The following TENM4 variants were observed in gnomAD, a reference collection of about 807,000 sequenced individuals.
The protein encoded by TENM4 is teneurin transmembrane protein 4, also known as teneurin-4.
Under a neutral mutation model 243.3 loss-of-function variants are expected in TENM4, and 82 were observed. The ratio of observed to expected loss-of-function variants is 0.34; its 90% CI spans 0.28 to 0.40. The LOEUF (loss-of-function observed/expected upper bound fraction) is 0.40. Among genes scored for constraint, TENM4 ranks in the 10% least tolerant of loss-of-function variants. The pLI is 1.00. For missense variants in TENM4, 3,138 were observed against 3,673.3 expected (o/e 0.85, Z 3.77); for synonymous variants, 1,412 against 1,456.3 (o/e 0.97, Z 0.69).
In TENM4 at chr11:79,032,041, T is replaced by C. The variant is rs777432724; in HGVS notation, c.493+32697A>G. ...GGGAGTACCACTGCTCCCTTGATCCTGAATCTCAGGCCTCACTTAGATGTA... is the reference window on the plus strand; with the variant it reads ...GGGAGTACCACTGCTCCCTTGATCCCGAATCTCAGGCCTCACTTAGATGTA... On this transcript the variant is annotated intron_variant, in intron 6 of 33. Transcript: ENST00000278550. 5.4e-4 allele frequency among the ~76,000 whole-genome samples: 83 copies of C among 152,326 alleles called. 1 individual carries two copies. The highest frequency in any genetic ancestry group is 1.0e-3 in the Non-Finnish European group (71 of 68,026).
chr11:79,088,008 A>T (rs1156434022), intron 4 of TENM4, among the ~76,000 whole-genome samples: 1 of 152,340 alleles, frequency 6.6e-6, no homozygotes, highest in African/African-American at 2.4e-5. Context: ...CAGCTGGCTA[A>T]TGTTACACCT....
Position 78,890,005 on chromosome 11 carries a change from C to T in TENM4, c.864G>A (p.Lys288=). The T allele has an allele frequency of 6.5e-7, 1 of 1,541,168 alleles. No homozygotes were observed. Among genetic ancestry groups the T allele is most frequent in the Non-Finnish European group, 8.8e-7 (1 of 1,139,610 alleles). Residue 288 remains lysine (K), a synonymous_variant, in exon 9 of 34, where the codon AAG becomes AAA. Coordinates refer to ENST00000278550, the MANE Select transcript of TENM4 (RefSeq NM_001098816.3). ...GAYSDGHFLF[K]PGGTSPLFCT... The stretch of plus-strand genomic sequence containing the variant: ...AGAAGAGCGGGGAGGTGCCTCCAGG[C>T]TTGAAGAGGAAGTGCCTGCAGATGG...
chr11:78,698,412 C>CAACCAACCAACT (rs1279016427), intron 28 of TENM4, among the ~76,000 whole-genome samples: 3 of 152,098 alleles, frequency 2.0e-5, no homozygotes, highest in African/African-American at 7.2e-5. Context: ...CCAAACCAAC[C>CAACCAACCAACT]AACCAACCAA....
intron 1 of TENM4, among the ~76,000 whole-genome samples, chr11:79,430,946 C>T (rs1035664347): frequency 3.9e-5 from 6 of 152,270 alleles, no homozygotes; most frequent in East Asian, 1.9e-4. Context: ...AAGTTCCAAA[C>T]GTGCTAGAAA....
chr11:79,299,578 A>C (rs1313342434), intron 1 of TENM4, among the ~76,000 whole-genome samples: 1 of 152,232 alleles, frequency 6.6e-6, no homozygotes, highest in Non-Finnish European at 1.5e-5. Context: ...GCGCTTTGGT[A>C]TAAAACTGCA....
At chr11:78,705,615 C>G (rs1590953953) in intron 27 of TENM4, among the ~76,000 whole-genome samples, 1 of 152,236 alleles carries the variant, frequency 6.6e-6, no homozygotes. Flanking sequence ...TCCCTGTCCA[C>G]CGGAACATTC....
chr11:79,016,649 A>G (rs1386268307), intron 6 of TENM4, among the ~76,000 whole-genome samples: 2 of 152,246 alleles, frequency 1.3e-5, no homozygotes, highest in African/African-American at 4.8e-5. Context: ...GTCAAGGTGG[A>G]AACTCTTAAA....
intron 1 of TENM4, among the ~76,000 whole-genome samples, chr11:79,385,679 T>C (rs1355558424): frequency 6.6e-6 from 1 of 152,208 alleles, no homozygotes; most frequent in East Asian, 1.9e-4. Context: ...ATAGAAAATA[T>C]AGAAAGATTT....
At chr11:79,079,385 G>T (rs1337157244) in intron 4 of TENM4, among the ~76,000 whole-genome samples, 1 of 152,232 alleles carries the variant, frequency 6.6e-6, no homozygotes, top group Admixed American at 6.5e-5. Flanking sequence ...GGCTGGGCAT[G>T]TGCAGGGCCT....
intron 7 of TENM4, among the ~76,000 whole-genome samples, chr11:78,900,255 T>A (rs1855898656): frequency 6.6e-6 from 1 of 152,242 alleles, no homozygotes. Flanking sequence ...GACTTTTATT[T>A]TCTCCATTTT....
At chr11:79,354,250 C>G (rs937988863) in intron 1 of TENM4, among the ~76,000 whole-genome samples, 1 of 152,216 alleles carries the variant, frequency 6.6e-6, no homozygotes, top group African/African-American at 2.4e-5. Context: ...GTTTCCAGGA[C>G]AGGACACGGA....
chr11:78,786,882 C>CA lies in TENM4; in HGVS notation c.2365+15_2365+16insT. On this transcript the variant is annotated intron_variant, in intron 16 of 33. Coordinates refer to ENST00000278550, the MANE Select transcript of TENM4 (RefSeq NM_001098816.3). ...GCAGACCAGAGAAGGTACCCGGGGA[C>CA]CTCGGCCCGCCATACCGATGGTGCA... 1 of 1,588,536 alleles carries CA rather than the reference C, an allele frequency of 6.3e-7. No homozygotes were observed. The highest frequency in any genetic ancestry group is 1.1e-5 in the South Asian group (1 of 87,120).
At chr11:78,765,543 G>T (rs1856524239) in intron 18 of TENM4, among the ~76,000 whole-genome samples, 1 of 152,202 alleles carries the variant, frequency 6.6e-6, no homozygotes, top group African/African-American at 2.4e-5. Context: ...AGCACCAAAA[G>T]AGATTATCAT....
intron 1 of TENM4, among the ~76,000 whole-genome samples, chr11:79,352,542 A>C (rs764305056): frequency 2.1e-4 from 32 of 152,194 alleles, no homozygotes; most frequent in Non-Finnish European, 3.8e-4. Flanking sequence ...GCCTGCAGCA[A>C]ATTGATTTGT....
At chr11:79,241,913 A>T (rs1327321208) in intron 2 of TENM4, among the ~76,000 whole-genome samples, 2 of 152,204 alleles carry the variant, frequency 1.3e-5, no homozygotes, top group African/African-American at 2.4e-5. Flanking sequence ...GGCAGGTGGA[A>T]TCCGGAACAG....
intron 1 of TENM4, among the ~76,000 whole-genome samples, chr11:79,342,801 T>A (rs1220657173): frequency 6.6e-6 from 1 of 152,184 alleles, no homozygotes; most frequent in East Asian, 1.9e-4. Context: ...CCTGGCGTCA[T>A]CTGGATTCCA....
chr11:79,008,044 GTC>G (rs1395249781), intron 6 of TENM4, among the ~76,000 whole-genome samples: 1 of 152,166 alleles, frequency 6.6e-6, no homozygotes, highest in Non-Finnish European at 1.5e-5. Context: ...GCTGGAATCA[GTC>G]TTGCATGCAG....
chr11:79,379,322 A>T (rs1857954836), intron 1 of TENM4, among the ~76,000 whole-genome samples: 1 of 152,180 alleles, frequency 6.6e-6, no homozygotes, highest in South Asian at 2.1e-4. Flanking sequence ...TTTAATTGTG[A>T]TGCTAAACCT....
At chr11:79,302,719 T>TAGTTCACCG (rs1487344642) in intron 1 of TENM4, among the ~76,000 whole-genome samples, 1 of 152,196 alleles carries the variant, frequency 6.6e-6, no homozygotes, top group Non-Finnish European at 1.5e-5. Context: ...ATTCAGCATT[T>TAGTTCACCG]AGTTCACCGA....
Sources: allele counts gnomAD v4.1 joint callset (sites outside exome capture counted in the v4.1 genomes callset), GRCh38; gene constraint gnomAD v4.1.1; transcripts MANE v1.5; gene names NCBI Gene and HGNC (gene_info 2026-07-23, HGNC 2026-07-21).